Variants in THBS4 observed in about 807,000 individuals in gnomAD.
The protein encoded by THBS4 is thrombospondin-4.
In THBS4, 90 loss-of-function variants were observed where a neutral mutation model predicts 115.7. The ratio of observed to expected loss-of-function variants is 0.78; its 90% CI spans 0.66 to 0.93. The LOEUF is 0.93. Ranked by LOEUF, THBS4 falls within the 40% of genes least tolerant of loss-of-function variation. THBS4 has a pLI of 0.00. For synonymous variants in THBS4, 460 were observed against 479.3 expected, an observed-to-expected ratio of 0.96 and a Z score of 0.53; for missense variants, 1,087 against 1,232.7, an observed-to-expected ratio of 0.88 and a Z score of 1.77.
Position 80,035,448 on chromosome 5 carries a change from C to A in THBS4, c.-90C>A, listed in dbSNP as rs1832682192. The stretch of plus-strand genomic sequence containing the variant: ...TCACCTGCGGCGCCGGCCCGGGCGC[C>A]GACCGAGGTTCAACGCACGGCCCGG... On this transcript the variant is annotated 5_prime_UTR_variant, in exon 1 of 22. Transcript: ENST00000350881. The surrounding 1 kb of genome is among the most constrained non-coding windows in gnomAD (Gnocchi z 4.6). The A allele has an allele frequency of 1.1e-6, 1 of 945,808 alleles. No individual in the cohort carries two copies. The highest frequency in any genetic ancestry group is 1.4e-6 in the Non-Finnish European group (1 of 731,714). 58.6% of individuals were successfully genotyped at this position (945,808 alleles called of 1,614,324 possible).
intron 2 of THBS4, among the ~76,000 whole-genome samples, chr5:80,015,949 C>A (rs531454490): frequency 6.6e-6 from 1 of 152,302 alleles, no homozygotes; most frequent in Admixed American, 6.5e-5. Flanking sequence ...GCTTGGCAAG[C>A]AACAAGGGTG....
At chr5:80,053,218 T>TA (rs1204246104) in intron 2 of THBS4, 2 of 152,148 alleles carry the variant, frequency 1.3e-5, no homozygotes, top group African/African-American at 2.4e-5. Flanking sequence ...CTTTTTTTTT[T>TA]ACTTAACAAA....
At chr5:80,067,249 G>A (rs1054425300) in intron 9 of THBS4, 1 of 151,940 alleles carries the variant, frequency 6.6e-6, no homozygotes, top group Non-Finnish European at 1.5e-5. Context: ...ATTTCACAAT[G>A]TATACGTATA....
intron 2 of THBS4, among the ~76,000 whole-genome samples, chr5:80,053,512 A>C (rs1232572437): frequency 6.6e-6 from 1 of 151,350 alleles, no homozygotes; most frequent in Non-Finnish European, 1.5e-5. Flanking sequence ...TTGGGTTTAC[A>C]CATGTTTAAG....
At chr5:80,068,192 T>G in intron 10 of THBS4, 67 bp downstream of exon 10, 2 of 1,575,020 alleles carry the variant, frequency 1.3e-6, no homozygotes, top group Non-Finnish European at 1.7e-6. Flanking sequence ...TCTCTCCAGT[T>G]TCTATGTGCT....
intron 7 of THBS4, among the ~76,000 whole-genome samples, chr5:80,060,590 T>C (rs1484888234): frequency 1.3e-5 from 2 of 151,956 alleles, no homozygotes; most frequent in African/African-American, 4.8e-5. Context: ...CAAAACCCTA[T>C]CTCTACAAAA....
At chr5:80,022,129 A>C (rs193059346) in intron 2 of THBS4, among the ~76,000 whole-genome samples, 2 of 152,292 alleles carry the variant, frequency 1.3e-5, no homozygotes, top group East Asian at 3.9e-4. Flanking sequence ...CTGATACAAC[A>C]GAAGTTTAAG....
At chr5:80,025,290 A>G (rs547734049) in intron 2 of THBS4, among the ~76,000 whole-genome samples, 1 of 152,190 alleles carries the variant, frequency 6.6e-6, no homozygotes, top group South Asian at 2.1e-4. Flanking sequence ...ACAAGGACAT[A>G]TGTATTAGAA....
chr5:80,065,530 A>C, intron 9 of THBS4, 53 bp downstream of exon 9: 1 of 1,536,810 alleles, frequency 6.5e-7, no homozygotes, highest in Admixed American at 1.7e-5. Flanking sequence ...TATTAAAACA[A>C]GTGTATGTTT....
At position 80,070,635 on chromosome 5, in the gene THBS4, C is replaced by A. The variant is rs1399403908; in HGVS notation, c.1453-8C>A. The A allele has an allele frequency of 1.2e-6, 2 of 1,613,200 alleles. No individual in the cohort carries two copies. Among genetic ancestry groups the A allele is most frequent in the Non-Finnish European group, 8.5e-7 (1 of 1,179,242 alleles). On this transcript the variant is annotated splice_polypyrimidine_tract_variant and splice_region_variant and intron_variant, in intron 11 of 21. Transcript: ENST00000350881. ...GGATGTCACTCGGAACTGCATTTTC[C>A]CCCTAAGGACAACTGCAAATATGTG...
chr5:80,078,068 C>T lies in THBS4; in HGVS notation c.2106C>T (p.Ile702=), dbSNP rs1743302068. 1 of 1,595,284 alleles carries T rather than the reference C, an allele frequency of 6.3e-7. No individual in the cohort carries two copies. Among genetic ancestry groups the T allele is most frequent in the African/African-American group, 1.3e-5 (1 of 74,644 alleles). Residue 702 remains isoleucine, a synonymous_variant, in exon 17 of 22, where the codon ATC becomes ATT. Transcript: ENST00000350881. ...EDSNSDGVGD[I]CESDFDQDQV... is the part of the protein sequence containing the mutation. Reference sequence around the variant, plus strand: ...ACTCAGGCGACGGAGTGGGAGACATCTGTGAGTCTGACTTTGACCAGGACC... The same window carrying T: ...ACTCAGGCGACGGAGTGGGAGACATTTGTGAGTCTGACTTTGACCAGGACC...
At chr5:79,997,848 C>T (rs1831826340) in intron 1 of THBS4, among the ~76,000 whole-genome samples, 1 of 152,110 alleles carries the variant, frequency 6.6e-6, no homozygotes, top group African/African-American at 2.4e-5. Context: ...AGAAAGATAA[C>T]AGTAAAATCT....
At chr5:80,044,611 G>A (rs112374473) in intron 2 of THBS4, among the ~76,000 whole-genome samples, 1,606 of 152,176 alleles carry the variant, frequency 0.011, 14 homozygotes, top group Middle Eastern at 0.024. Flanking sequence ...TTTTAGTAGA[G>A]ATGGGGTTTT....
chr5:80,004,373 C>T (rs1256146825), intron 2 of THBS4, among the ~76,000 whole-genome samples: 2 of 152,146 alleles, frequency 1.3e-5, no homozygotes, highest in Non-Finnish European at 2.9e-5. Flanking sequence ...GGTAGGTGCT[C>T]CCATCTGTTG....
chr5:80,044,925 G>A (rs933459910), intron 2 of THBS4, among the ~76,000 whole-genome samples: 1 of 152,170 alleles, frequency 6.6e-6, no homozygotes, highest in South Asian at 2.1e-4. Flanking sequence ...AGTATCTGGC[G>A]TAAAGACAAC....
chr5:80,072,060 C>CAA, intron 13 of THBS4: 1 of 529,054 alleles, frequency 1.9e-6, no homozygotes, highest in East Asian at 3.3e-5. Flanking sequence ...ACATCTTGGA[C>CAA]AAATTAGAAT....
intron 2 of THBS4, among the ~76,000 whole-genome samples, chr5:80,028,137 C>T (rs566159560): frequency 6.6e-6 from 1 of 150,838 alleles, no homozygotes; most frequent in African/African-American, 2.5e-5. Context: ...ATCTTTTGAA[C>T]CCAGGAGTTT....
intron 1 of THBS4, chr5:80,036,069 C>T (rs1028011821): frequency 5.1e-6 from 5 of 989,300 alleles, no homozygotes; most frequent in Non-Finnish European, 6.0e-6. Flanking sequence ...CTGAGAAAGA[C>T]GCAGAATTAC....
intron 14 of THBS4, 109 bp downstream of exon 14, chr5:80,072,505 T>TA (rs770842359): frequency 2.5e-5 from 24 of 975,154 alleles, no homozygotes; most frequent in East Asian, 9.7e-5. Context: ...TGTTGCCACT[T>TA]ACCTAACAAA....
Sources: gnomAD v4.1 joint callset for allele counts (sites outside exome capture counted in the v4.1 genomes callset) on GRCh38, gnomAD v4.1.1 for gene constraint, Gnocchi (gnomAD v3.1) non-coding constraint, MANE v1.5 for transcripts, NCBI Gene and HGNC (gene_info 2026-07-23, HGNC 2026-07-21) for gene names.